Variants in UGT1A3 observed in about 807,000 individuals in gnomAD.
UGT1A3 encodes UDP-glucuronosyltransferase 1A3.
UGT1A3 carries 31 observed loss-of-function variants against 41.0 expected under a neutral mutation model. That is an observed-to-expected ratio of 0.76 (90% CI 0.57 to 1.02). UGT1A3 has a LOEUF of 1.02. Ranked by LOEUF, UGT1A3 falls within the 50% of genes least tolerant of loss-of-function variation. The pLI is 0.00. For missense variants in UGT1A3, 737 were observed against 671.0 expected, an observed-to-expected ratio of 1.10 and a Z score of -1.09; for synonymous variants, 262 against 257.6, an observed-to-expected ratio of 1.02 and a Z score of -0.17.
At chr2:233,757,245 G>C (rs113985508) in intron 1 of UGT1A3, among the ~76,000 whole-genome samples, 3 of 149,596 alleles carry the variant, frequency 2.0e-5, no homozygotes, top group African/African-American at 7.4e-5. Context: ...GTGGTGAGGT[G>C]GGGTTATTCA....
intron 1 of UGT1A3, chr2:233,756,022 T>C (rs1696092015): frequency 6.6e-6 from 1 of 152,142 alleles, no homozygotes; most frequent in Non-Finnish European, 1.5e-5. Context: ...ATATTACACA[T>C]CCCCCATGTA....
At chr2:233,755,155 T>A (rs921927491) in intron 1 of UGT1A3, 1 of 1,293,270 alleles carries the variant, frequency 7.7e-7, no homozygotes, top group Non-Finnish European at 1.0e-6. Flanking sequence ...GCTTCCTCCC[T>A]GTCCTCGGGG....
At chr2:233,753,812 C>G (rs1215022778) in intron 1 of UGT1A3, among the ~76,000 whole-genome samples, 1 of 152,152 alleles carries the variant, frequency 6.6e-6, no homozygotes, top group Non-Finnish European at 1.5e-5. Flanking sequence ...AGTTGGAGAA[C>G]CACGTTAGGG....
At chr2:233,755,027 C>T (rs759197919) in intron 1 of UGT1A3, 2 of 1,309,218 alleles carry the variant, frequency 1.5e-6, no homozygotes, top group African/African-American at 3.0e-5. Flanking sequence ...CCTTGAAGGG[C>T]CTGCCGCCTG....
intron 1 of UGT1A3, among the ~76,000 whole-genome samples, chr2:233,746,736 T>A (rs1693464828): frequency 6.6e-6 from 1 of 151,854 alleles, no homozygotes; most frequent in African/African-American, 2.4e-5. Flanking sequence ...GATTCTGCTT[T>A]GGTTCCAAAG....
downstream of UGT1A3, chr2:233,773,300 AT>A (rs1228991632): frequency 6.6e-6 from 1 of 152,190 alleles, no homozygotes; most frequent in Non-Finnish European, 1.5e-5. Context: ...TATAAATTCT[AT>A]TTAAGTGTTT....
At chr2:233,744,570 G>A (rs1351867033) in intron 1 of UGT1A3, among the ~76,000 whole-genome samples, 1 of 151,848 alleles carries the variant, frequency 6.6e-6, no homozygotes, top group Non-Finnish European at 1.5e-5. Flanking sequence ...TGAGAAGAGT[G>A]GCATCGTTTT....
Position 233,772,467 on chromosome 2 carries a change from T to C in UGT1A3, c.1513T>C (p.Phe505Leu), listed in dbSNP as rs761746377. Residue 505 changes from phenylalanine to leucine, a missense_variant, in exon 5 of 5, where the codon TTC becomes CTC. Transcript: ENST00000482026. ...FLLAVVLTVA[F>L]ITFKCCAYGY... is the part of the protein sequence containing the mutation. ...CTTGGCCGTCGTGCTGACAGTGGCC[T>C]TCATCACCTTTAAATGTTGTGCTTA... is the stretch of plus-strand genomic sequence containing the variant. 2 of 1,614,038 alleles carry C rather than the reference T, an allele frequency of 1.2e-6. No individual in the cohort carries two copies. The highest frequency in any genetic ancestry group is 1.3e-5 in the African/African-American group (1 of 74,916).
intron 1 of UGT1A3, among the ~76,000 whole-genome samples, chr2:233,766,688 C>T (rs1199007770): frequency 2.6e-5 from 4 of 152,166 alleles, no homozygotes; most frequent in Admixed American, 6.5e-5. Context: ...TTCTGTATCA[C>T]TGATGCCTTG....
chr2:233,760,254 G>C (rs1697373006), intron 1 of UGT1A3: 2 of 1,610,464 alleles, frequency 1.2e-6, no homozygotes, highest in South Asian at 2.2e-5. Flanking sequence ...ATATAAGTAG[G>C]AGAGGGCGAA....
chr2:233,753,502 C>A (rs1316574897), intron 1 of UGT1A3: 1 of 152,214 alleles, frequency 6.6e-6, no homozygotes, highest in East Asian at 1.9e-4. Context: ...TTTTTTCAGC[C>A]TGTCTAGTTG....
rs375083511 is a variant in UGT1A3, at chr2:233,729,597, C to T, written c.471C>T (p.Cys157=). Reference sequence around the variant, plus strand: ...TTTTAACAGACCCCGTTAACCTCTGCGCGGCAGTGCTGGCTAAGTACCTGT... The same window carrying T: ...TTTTAACAGACCCCGTTAACCTCTGTGCGGCAGTGCTGGCTAAGTACCTGT... ...DVVLTDPVNL[C]AAVLAKYLSI... is the part of the protein sequence containing the mutation. The change falls in exon 1 of 5, where the codon TGC becomes TGT. Residue 157 remains cysteine (C), a synonymous_variant. Coordinates refer to ENST00000482026, the MANE Select transcript of UGT1A3 (RefSeq NM_019093.4). 44 of 1,613,906 alleles carry T rather than the reference C, an allele frequency of 2.7e-5. No individual in the cohort carries two copies. The highest frequency in any genetic ancestry group is 1.8e-4 in the East Asian group (8 of 44,888).
At chr2:233,768,790 G>C (rs1021832155) in intron 4 of UGT1A3, among the ~76,000 whole-genome samples, 1 of 152,024 alleles carries the variant, frequency 6.6e-6, no homozygotes, top group Admixed American at 6.6e-5. Context: ...CACCATGTTT[G>C]TCAGGCTGGT....
At chr2:233,734,101 T>C (rs2078479429) in intron 1 of UGT1A3, among the ~76,000 whole-genome samples, 1 of 151,280 alleles carries the variant, frequency 6.6e-6, no homozygotes. Context: ...AAACTTAAAG[T>C]ATAATAATAA....
intron 1 of UGT1A3, chr2:233,754,417 C>A (rs964577009): frequency 5.9e-6 from 2 of 341,006 alleles, no homozygotes; most frequent in Non-Finnish European, 1.2e-5. Flanking sequence ...ACAATAAAGA[C>A]AGGCATTGGC....
intron 1 of UGT1A3, among the ~76,000 whole-genome samples, chr2:233,750,429 T>C (rs1273290769): frequency 6.6e-6 from 1 of 151,918 alleles, no homozygotes; most frequent in Non-Finnish European, 1.5e-5. Flanking sequence ...GAAAAACCCA[T>C]TTTATGGGGA....
At position 233,769,732 on chromosome 2, in the gene UGT1A3, G is replaced by A; in HGVS notation, c.1307+1293G>A. The A allele has an allele frequency of 2.7e-6, 4 of 1,465,694 alleles. No homozygotes were observed. Among genetic ancestry groups the A allele is most frequent in the South Asian group, 2.9e-5 (2 of 70,094 alleles). 90.8% of individuals were successfully genotyped at this position (1,465,694 alleles called of 1,614,324 possible). ...TGGCTAGGCACCATGGCACACGCCT[G>A]TAGTCCCAGCCACTCTGGAGGCTAA... On this transcript the variant is annotated intron_variant, in intron 4 of 4. Coordinates refer to ENST00000482026, the MANE Select transcript of UGT1A3 (RefSeq NM_019093.4). This position sits in a 1 kb window ranked among gnomAD's most constrained non-coding sequence, Gnocchi z 4.4.
intron 1 of UGT1A3, among the ~76,000 whole-genome samples, chr2:233,733,088 C>T (rs1321589207): frequency 6.6e-6 from 1 of 152,072 alleles, no homozygotes; most frequent in Non-Finnish European, 1.5e-5. Flanking sequence ...AATGGGAGTT[C>T]ACTCATGGTT....
intron 3 of UGT1A3, 51 bp from the exon 4 acceptor site, chr2:233,768,169 T>G: frequency 1.9e-6 from 3 of 1,613,804 alleles, no homozygotes; most frequent in Non-Finnish European, 2.5e-6. Context: ...TGTGTCCAGC[T>G]GTGAAACTCA....
Sources: gnomAD v4.1 joint callset for allele counts (sites outside exome capture counted in the v4.1 genomes callset) on GRCh38, gnomAD v4.1.1 for gene constraint, Gnocchi (gnomAD v3.1) non-coding constraint, MANE v1.5 for transcripts, NCBI Gene and HGNC (gene_info 2026-07-23, HGNC 2026-07-21) for gene names.